The following ITPR2 variants were observed in gnomAD, a reference collection of about 807,000 sequenced individuals.
The protein encoded by ITPR2 is inositol 1,4,5-trisphosphate receptor type 2.
Under a neutral mutation model 317.1 loss-of-function variants are expected in ITPR2, and 207 were observed. The ratio of observed to expected loss-of-function variants is 0.65; its 90% CI spans 0.58 to 0.73. The LOEUF (loss-of-function observed/expected upper bound fraction) is 0.73, where lower values mean the gene tolerates loss of function less well. Ranked by LOEUF, ITPR2 falls within the 30% of genes least tolerant of loss-of-function variation. The probability of loss-of-function intolerance (pLI) is 0.00; values close to 1 mark genes in which losing one functional copy is unlikely to be tolerated. For synonymous variants in ITPR2, 1,156 were observed against 1,149.1 expected, an observed-to-expected ratio of 1.01 and a Z score of -0.12; for missense variants, 2,613 against 3,284.0, an observed-to-expected ratio of 0.80 and a Z score of 4.99.
intron 1 of ITPR2, among the ~76,000 whole-genome samples, chr12:26,830,644 A>G (rs1248562228): frequency 6.6e-6 from 1 of 152,246 alleles, no homozygotes; most frequent in African/African-American, 2.4e-5. Context: ...CCATCTATAT[A>G]GTCCTTCTGG....
intron 5 of ITPR2, 94 bp downstream of exon 5, chr12:26,722,303 T>G: frequency 8.9e-7 from 1 of 1,126,486 alleles, no homozygotes; most frequent in Non-Finnish European, 1.2e-6. Flanking sequence ...GTAAAAACTA[T>G]ATTTTCTTTT....
intron 37 of ITPR2, among the ~76,000 whole-genome samples, chr12:26,506,638 C>A (rs930179668): frequency 1.3e-5 from 2 of 151,034 alleles, no homozygotes; most frequent in Non-Finnish European, 2.9e-5. Flanking sequence ...AAAAGACAGA[C>A]AATTTCAATA....
chr12:26,598,660 G>A (rs1314800486), intron 30 of ITPR2, among the ~76,000 whole-genome samples: 12 of 150,932 alleles, frequency 8.0e-5, no homozygotes, highest in South Asian at 2.1e-4. Context: ...TAAGTAGTAA[G>A]TTTCCACATG....
chr12:26,761,222 T>G (rs1223096793), intron 2 of ITPR2, among the ~76,000 whole-genome samples: 1 of 152,242 alleles, frequency 6.6e-6, no homozygotes, highest in African/African-American at 2.4e-5. Flanking sequence ...GCTCAAGGAC[T>G]GTATCAGCAA....
chr12:26,518,142 A>G (rs1203334957), intron 37 of ITPR2, among the ~76,000 whole-genome samples: 6 of 152,266 alleles, frequency 3.9e-5, no homozygotes, highest in African/African-American at 1.2e-4. Flanking sequence ...AGTGGAATGG[A>G]TAAAGAAAAT....
chr12:26,814,198 G>A (rs571668486), intron 1 of ITPR2, among the ~76,000 whole-genome samples: 22 of 152,296 alleles, frequency 1.4e-4, no homozygotes, highest in Non-Finnish European at 2.9e-4. Flanking sequence ...AAACACCTGC[G>A]CAAGGGCAGG....
At chr12:26,537,219 A>AT (rs1347036569) in intron 37 of ITPR2, among the ~76,000 whole-genome samples, 1 of 152,186 alleles carries the variant, frequency 6.6e-6, no homozygotes, top group Non-Finnish European at 1.5e-5. Flanking sequence ...TAATCCAAGC[A>AT]TGGTGGAGTT....
At chr12:26,403,170 A>C (rs1940237276) in intron 52 of ITPR2, among the ~76,000 whole-genome samples, 1 of 152,210 alleles carries the variant, frequency 6.6e-6, no homozygotes, top group African/African-American at 2.4e-5. Flanking sequence ...ACACAGGATG[A>C]GCAAAGGCAA....
chr12:26,467,882 T>C (rs912895423), intron 45 of ITPR2, among the ~76,000 whole-genome samples: 2 of 152,164 alleles, frequency 1.3e-5, no homozygotes, highest in Non-Finnish European at 2.9e-5. Flanking sequence ...TATTAGAGGA[T>C]TTAAATCTAT....
In ITPR2 at chr12:26,494,284, A is replaced by C. The variant is rs1371768871; in HGVS notation, c.5239T>G (p.Cys1747Gly). The change falls in exon 39 of 57, where the codon TGT becomes GGT. Residue 1747 changes from cysteine to glycine, a missense_variant. Physicochemically the swap from Cys to Gly is radical, Grantham distance 159 (BLOSUM62 -3). Around this residue, in one of 9 missense-constraint regions of ITPR2, gnomAD observed 926 missense variants for 1,072.8 expected, o/e 0.86. Transcript: ENST00000381340. The stretch of plus-strand genomic sequence containing the variant: ...GATGCACCTTCTTTATCCAGCAGAC[A>C]CTGAATGTCTGACATTGATATCCCC... The part of the protein sequence containing the change: ...KMGISMSDIQ[C>G]LLDKEGASEL... 1 of 1,613,116 alleles carries C rather than the reference A, an allele frequency of 6.2e-7. No homozygotes were observed. The highest frequency in any genetic ancestry group is 1.3e-5 in the African/African-American group (1 of 74,862).
At chr12:26,801,315 A>C (rs1950552269) in intron 1 of ITPR2, 1 of 172,212 alleles carries the variant, frequency 5.8e-6, no homozygotes, top group South Asian at 1.6e-4. Flanking sequence ...TTGTTGGCAA[A>C]TGATCCCCAT....
chr12:26,782,023 TATATATATATGTATAGAGAGAGAGAG>T (rs1950097615), intron 2 of ITPR2, among the ~76,000 whole-genome samples: 1 of 28,406 alleles, frequency 3.5e-5, no homozygotes, highest in Non-Finnish European at 7.3e-5. Context: ...TATATATATA[TATATATATATGTATAGAGAGAGAGAG>T]AGAGAGAGAG....
intron 53 of ITPR2, 84 bp downstream of exon 53, chr12:26,400,044 A>C: frequency 7.1e-7 from 1 of 1,408,672 alleles, no homozygotes; most frequent in Non-Finnish European, 9.5e-7. Context: ...TTTTCCTGAA[A>C]ACCAAAACTA....
Position 26,556,250 on chromosome 12 carries a change from A to C in ITPR2, c.4947T>G (p.Cys1649Trp). 1 of 1,613,778 alleles carries C rather than the reference A, an allele frequency of 6.2e-7. No individual in the cohort carries two copies. The highest frequency in any genetic ancestry group is 2.2e-5 in the East Asian group (1 of 44,866). Residue 1649 changes from cysteine to tryptophan, a missense_variant, in exon 36 of 57, where the codon TGT becomes TGG. Cys to Trp is a radical substitution (Grantham distance 215). Transcript: ENST00000381340. ...CCACTTACTTCGACATGAAAGCGCC[A>C]CATCTTATTCTTGCATCGCTTCCCT... The part of the protein sequence containing the change: ...FPEGSDARIR[C>W]GAFMSKLINH...
chr12:26,690,464 A>G (rs1948216219), intron 10 of ITPR2, among the ~76,000 whole-genome samples: 1 of 152,184 alleles, frequency 6.6e-6, no homozygotes, highest in African/African-American at 2.4e-5. Flanking sequence ...CCTTTGATAC[A>G]TATTCTCCTT....
intron 45 of ITPR2, among the ~76,000 whole-genome samples, chr12:26,461,465 T>G (rs1268537337): frequency 1.3e-5 from 2 of 151,918 alleles, no homozygotes; most frequent in African/African-American, 4.8e-5. Flanking sequence ...CTGTTTTTTC[T>G]CTAGAATGGC....
chr12:26,398,678 A>G (rs949627241), intron 54 of ITPR2, among the ~76,000 whole-genome samples, 198 bp downstream of exon 54: 1 of 152,234 alleles, frequency 6.6e-6, no homozygotes, highest in Non-Finnish European at 1.5e-5. Context: ...ATGACAGGAT[A>G]GCTTTGGGGT....
chr12:26,354,010 A>G (rs1017201184), intron 55 of ITPR2, among the ~76,000 whole-genome samples: 5 of 152,230 alleles, frequency 3.3e-5, no homozygotes, highest in African/African-American at 1.2e-4. Context: ...GCAGTGGCTC[A>G]TGCATGTAAT....
At chr12:26,654,662 G>C (rs1020570353) in intron 20 of ITPR2, among the ~76,000 whole-genome samples, 1 of 152,022 alleles carries the variant, frequency 6.6e-6, no homozygotes, top group African/African-American at 2.4e-5. Context: ...TCCAAGATTA[G>C]ATTACAGAAG....
Sources: allele counts gnomAD v4.1 joint callset (sites outside exome capture counted in the v4.1 genomes callset), GRCh38; gene constraint gnomAD v4.1.1; regional missense constraint gnomAD v4.1.1; transcripts MANE v1.5; gene names NCBI Gene and HGNC (gene_info 2026-07-23, HGNC 2026-07-21).